The following TSACC variants were observed in gnomAD, a reference collection of about 807,000 sequenced individuals.
TSACC encodes the protein TSSK6-activating co-chaperone protein.
Under a neutral mutation model 6.9 loss-of-function variants are expected in TSACC, and 3 were observed. That is an observed-to-expected ratio of 0.43 (90% CI 0.20 to 1.12). The LOEUF (loss-of-function observed/expected upper bound fraction) is 1.12, where lower values mean the gene tolerates loss of function less well. TSACC is among the 50% of genes most tolerant of loss of function. The pLI is 0.28. For missense variants in TSACC, 137 were observed against 143.9 expected, an observed-to-expected ratio of 0.95 and a Z score of 0.24; for synonymous variants, 54 against 55.1, an observed-to-expected ratio of 0.98 and a Z score of 0.09.
intron 2 of TSACC, among the ~76,000 whole-genome samples, chr1:156,342,310 G>A (rs1665941629): frequency 6.6e-6 from 1 of 152,058 alleles, no homozygotes. Flanking sequence ...GTAGAGCCTG[G>A]AAAATCCACA....
chr1:156,338,294 CCT>C, upstream of TSACC: 1 of 1,035,186 alleles, frequency 9.7e-7, no homozygotes, highest in African/African-American at 1.6e-5. Flanking sequence ...AGGGCTTACA[CCT>C]CAACCCGCTA....
chr1:156,346,212 GAAAA>G (rs1456891338), intron 3 of TSACC, among the ~76,000 whole-genome samples: 6 of 144,672 alleles, frequency 4.1e-5, no homozygotes, highest in Non-Finnish European at 9.1e-5. Context: ...AAAAAAAAAA[GAAAA>G]AGAAAAAAAA....
intron 3 of TSACC, among the ~76,000 whole-genome samples, chr1:156,345,232 A>G (rs946027916): frequency 1.3e-5 from 2 of 152,248 alleles, no homozygotes; most frequent in South Asian, 2.1e-4. Flanking sequence ...CAAACAGCAG[A>G]TAATATAATT....
chr1:156,341,350 A>G (rs548617410), intron 2 of TSACC, among the ~76,000 whole-genome samples: 2 of 152,286 alleles, frequency 1.3e-5, no homozygotes, highest in Admixed American at 1.3e-4. Flanking sequence ...CTTTATCTAC[A>G]TTCCTCAGGT....
intron 3 of TSACC, among the ~76,000 whole-genome samples, chr1:156,346,528 ATAT>A (rs1666190373): frequency 6.6e-6 from 1 of 152,150 alleles, no homozygotes; most frequent in Non-Finnish European, 1.5e-5. Context: ...ATGACCATAA[ATAT>A]TATGGGAAAA....
chr1:156,344,308 CATCTT>C (rs1236163201), intron 2 of TSACC, among the ~76,000 whole-genome samples: 1 of 152,158 alleles, frequency 6.6e-6, no homozygotes, highest in Non-Finnish European at 1.5e-5. Flanking sequence ...TGTCTTAACA[CATCTT>C]ATGTATACCC....
At chr1:156,344,313 T>C (rs2025577) in intron 2 of TSACC, among the ~76,000 whole-genome samples, 69,123 of 152,022 alleles carry the variant, frequency 0.45, 16,589 homozygotes, top group Admixed American at 0.59. Context: ...TAACACATCT[T>C]ATGTATACCC....
At position 156,341,115 on chromosome 1, in the gene TSACC, C is replaced by T. The variant is rs550581634; in HGVS notation, c.34+1324C>T. Among the ~76,000 whole-genome samples the T allele has an allele frequency of 9.2e-5, 14 of 152,326 alleles. No homozygotes were observed. The South Asian group carries it at 2.9e-3, about 32-fold the overall frequency. ...TACAGGCGTGAGCCATCGCGCCTGG[C>T]CAGTTTACCACTTATTTAATGCTCA... On this transcript the variant is annotated intron_variant, in intron 2 of 3. Transcript: ENST00000368254.
chr1:156,339,553 A>AG, intron 1 of TSACC, 81 bp from the exon 2 acceptor site: 1 of 526,530 alleles, frequency 1.9e-6, no homozygotes, highest in South Asian at 3.0e-5. Flanking sequence ...AAACTAGTGA[A>AG]GGGGCCGTGA....
upstream of TSACC, chr1:156,337,872 C>T: frequency 2.0e-6 from 1 of 496,380 alleles, no homozygotes; most frequent in Non-Finnish European, 3.6e-6. Context: ...GCGGGGGAAG[C>T]GTGGGGGCTG....
At chr1:156,337,723 A>G (rs1665487504), upstream of TSACC, 1 of 202,484 alleles carries the variant, frequency 4.9e-6, no homozygotes, top group South Asian at 8.4e-5. Context: ...TTAACTCCGT[A>G]ATACAGATTG....
upstream of TSACC, chr1:156,338,276 G>T (rs879222640): frequency 3.8e-6 from 5 of 1,316,412 alleles, no homozygotes; most frequent in Admixed American, 7.9e-5. Context: ...AGAAAACGCT[G>T]CCTCCTCAGG....
chr1:156,343,749 AT>A (rs1046622497), intron 2 of TSACC, among the ~76,000 whole-genome samples: 4 of 150,988 alleles, frequency 2.6e-5, no homozygotes, highest in East Asian at 1.9e-4. Flanking sequence ...TTGTTGTTTC[AT>A]TTTTTTTGAG....
Position 156,346,832 on chromosome 1 carries a change from G to A in TSACC, c.228G>A (p.Gln76=). 1 of 1,614,166 alleles carries A rather than the reference G, an allele frequency of 6.2e-7. No homozygotes were observed. Among genetic ancestry groups the A allele is most frequent in the Middle Eastern group, 1.6e-4 (1 of 6,062 alleles). The change falls in exon 4 of 4, where the codon CAG becomes CAA. Residue 76 remains glutamine, a synonymous_variant. Transcript: ENST00000368254. ...LECMYANLQL[Q]TQLAQQQMAV... ...GTATGTATGCAAACCTCCAGCTTCAGACCCAGCTCGCCCAACAACAGATGG... is the reference window on the plus strand; with the variant it reads ...GTATGTATGCAAACCTCCAGCTTCAAACCCAGCTCGCCCAACAACAGATGG...
chr1:156,339,512 AAAAG>A, intron 1 of TSACC, 118 bp from the exon 2 acceptor site: 1 of 472,440 alleles, frequency 2.1e-6, no homozygotes. Context: ...GTCCAGAAAA[AAAAG>A]GAAGCACTAA....
chr1:156,345,610 G>A (rs1298693362), intron 3 of TSACC, among the ~76,000 whole-genome samples: 1 of 151,978 alleles, frequency 6.6e-6, no homozygotes, highest in Non-Finnish European at 1.5e-5. Flanking sequence ...GCTCATGCCT[G>A]TAATCCCAGC....
upstream of TSACC, chr1:156,338,261 A>C (rs564335780): frequency 1.2e-5 from 18 of 1,494,928 alleles, no homozygotes; most frequent in Middle Eastern, 1.2e-3. Flanking sequence ...ACCAGACAGA[A>C]GCCCAGAAAA....
In TSACC at chr1:156,344,604, C is replaced by T. The variant is rs1202160044; in HGVS notation, c.59C>T (p.Ala20Val). The T allele has an allele frequency of 6.2e-7, 1 of 1,613,940 alleles. No homozygotes were observed. Among genetic ancestry groups the T allele is most frequent in the African/African-American group, 1.3e-5 (1 of 74,916 alleles). ...RKVPAKEEAN[A>V]VPLCRAKPSP... The stretch of plus-strand genomic sequence containing the variant: ...GTTCCAGCCAAAGAGGAAGCTAATG[C>T]TGTGCCTCTCTGTAGAGCAAAACCC... The change falls in exon 3 of 4, where the codon GCT (alanine) becomes GTT (valine). Residue 20 changes from alanine (A) to valine (V), a missense_variant. By Grantham distance (64) the Ala-to-Val change is moderately conservative. Transcript: ENST00000368254.
intron 2 of TSACC, among the ~76,000 whole-genome samples, chr1:156,343,545 T>C (rs1328408856): frequency 6.6e-6 from 1 of 152,134 alleles, no homozygotes; most frequent in African/African-American, 2.4e-5. Context: ...AGACACAGAA[T>C]CCATATATTG....
Sources: gnomAD v4.1 joint callset for allele counts (sites outside exome capture counted in the v4.1 genomes callset) on GRCh38, gnomAD v4.1.1 for gene constraint, MANE v1.5 for transcripts, NCBI Gene and HGNC (gene_info 2026-07-23, HGNC 2026-07-21) for gene names.